RAD9B: variants seen among roughly 807,000 people sequenced by gnomAD.
RAD9B encodes RAD9 checkpoint clamp component B, also known as cell cycle checkpoint control protein RAD9B.
RAD9B carries 41 observed loss-of-function variants against 48.3 expected under a neutral mutation model. The ratio of observed to expected loss-of-function variants is 0.85; its 90% confidence interval spans 0.66 to 1.10. The LOEUF (loss-of-function observed/expected upper bound fraction) is 1.10, where lower values mean the gene tolerates loss of function less well. Among genes scored for constraint, RAD9B ranks in the 50% least tolerant of loss-of-function variants. The pLI, the probability that RAD9B is intolerant of heterozygous loss-of-function variation, is 0.00. For synonymous variants in RAD9B, 160 were observed against 157.9 expected, an observed-to-expected ratio of 1.01 and a Z score of -0.10; for missense variants, 444 against 485.1, an observed-to-expected ratio of 0.92 and a Z score of 0.80.
chr12:110,526,457 C>A (rs571400150), intron 10 of RAD9B, among the ~76,000 whole-genome samples: 1 of 152,138 alleles, frequency 6.6e-6, no homozygotes, highest in Non-Finnish European at 1.5e-5. Context: ...TTAAAGAAAA[C>A]CTCAGCTTTC....
chr12:110,530,731 T>C lies in RAD9B; in HGVS notation c.*78T>C. On this transcript the variant is annotated 3_prime_UTR_variant, in exon 11 of 11. Transcript: ENST00000409300. ...CTCAAGCACGAGTTTGCATGTTTAG[T>C]GTCTAAAAGAGGTTGTCCAGGACTT... 6.3e-7 allele frequency: 1 copy of C among 1,586,988 alleles called. No individual in the cohort carries two copies. The highest frequency in any genetic ancestry group is 1.8e-5 in the Admixed American group (1 of 56,512).
intron 10 of RAD9B, among the ~76,000 whole-genome samples, chr12:110,527,470 C>T (rs553735329): frequency 6.6e-6 from 1 of 152,292 alleles, no homozygotes; most frequent in South Asian, 2.1e-4. Context: ...ATCTGGAGAG[C>T]AGGTTCAACA....
At position 110,530,846 on chromosome 12, in the gene RAD9B, C is replaced by CT. The variant is rs1306160393; in HGVS notation, c.*196dup. 7.4e-7 allele frequency: 1 copy of CT among 1,351,546 alleles called. No individual in the cohort carries two copies. The highest frequency in any genetic ancestry group is 1.5e-5 in the African/African-American group (1 of 68,610). The allele number at this position is 1,351,546 out of a possible 1,614,324, so 83.7% of individuals were successfully genotyped here. ...CTGTTTGTCAAGTGTATGTAACTTG[C>CT]TTTAAATCCATTATGCTACTTGTGA... On this transcript the variant is annotated 3_prime_UTR_variant, in exon 11 of 11. Transcript: ENST00000409300.
intron 10 of RAD9B, among the ~76,000 whole-genome samples, chr12:110,529,923 G>C (rs535009112): frequency 6.6e-6 from 1 of 152,176 alleles, no homozygotes; most frequent in Non-Finnish European, 1.5e-5. Flanking sequence ...CGGAGGCTTC[G>C]TTGACCTCTG....
At chr12:110,509,592 T>C (rs2063400258) in intron 4 of RAD9B, among the ~76,000 whole-genome samples, 1 of 152,084 alleles carries the variant, frequency 6.6e-6, no homozygotes, top group South Asian at 2.1e-4. Context: ...CAGTCTAAGA[T>C]GAAGGAGAAG....
Position 110,531,126 on chromosome 12 carries a change from T to G in RAD9B, c.*473T>G, listed in dbSNP as rs2064124623. 3.0e-6 allele frequency: 3 copies of G among 993,356 alleles called. No homozygotes were observed. The highest frequency in any genetic ancestry group is 3.6e-6 in the Non-Finnish European group (3 of 834,550). 61.5% of individuals were successfully genotyped at this position (993,356 alleles called of 1,614,324 possible). ...ACCATGGCCTTTTTTGTGCATTGTT[T>G]TTTATATTTTAAGACTTTAAGTAGA... On this transcript the variant is annotated 3_prime_UTR_variant, in exon 11 of 11. Transcript: ENST00000409300.
Position 110,519,778 on chromosome 12 carries a change from G to A in RAD9B, c.768-16G>A. 1 of 1,599,120 alleles carries A rather than the reference G, an allele frequency of 6.3e-7. No individual in the cohort carries two copies. The highest frequency in any genetic ancestry group is 8.5e-7 in the Non-Finnish European group (1 of 1,175,234). On this transcript the variant is annotated splice_polypyrimidine_tract_variant and intron_variant, in intron 8 of 10. Transcript: ENST00000409300. ...AGAAAATGAGTGTCACTGTTGCTCT[G>A]ACTTGGCTTTTTTAGACCTCTGGCT...
Position 110,517,751 on chromosome 12 carries a change from GACACACAC to G in RAD9B, c.596-893_596-886del, listed in dbSNP as rs34935245. On this transcript the variant is annotated intron_variant, in intron 6 of 10. Transcript: ENST00000409300. ...TTTGTAGTGGAAAACACAAAACATT[GACACACAC>G]ACACACACACACACACACACACACA... Among the ~76,000 whole-genome samples the G allele has an allele frequency of 3.6e-3, 510 of 141,514 alleles. 1 individual carries two copies. Among genetic ancestry groups the G allele is most frequent in the African/African-American group, 6.2e-3 (239 of 38,294 alleles). The allele number at this position is 141,514 out of a possible 152,430, so 92.8% of individuals were successfully genotyped here.
intron 10 of RAD9B, among the ~76,000 whole-genome samples, chr12:110,524,914 A>T (rs1395133158): frequency 6.6e-6 from 1 of 152,062 alleles, no homozygotes; most frequent in African/African-American, 2.4e-5. Flanking sequence ...TTGAACAAAA[A>T]TCAGAAAATA....
chr12:110,522,723 T>A (rs978150473), intron 10 of RAD9B, among the ~76,000 whole-genome samples: 2 of 152,262 alleles, frequency 1.3e-5, no homozygotes, highest in African/African-American at 4.8e-5. Flanking sequence ...ATATTCTATC[T>A]TGAATAACAA....
intron 4 of RAD9B, among the ~76,000 whole-genome samples, chr12:110,511,920 C>A (rs188874779): frequency 2.6e-5 from 4 of 152,066 alleles, no homozygotes; most frequent in African/African-American, 7.2e-5. Flanking sequence ...GATCTCGGCT[C>A]ACTGCAACCT....
intron 3 of RAD9B, 56 bp downstream of exon 3, chr12:110,505,828 G>T (rs1358593072): frequency 1.6e-5 from 22 of 1,360,500 alleles, no homozygotes; most frequent in Non-Finnish European, 2.2e-5. Flanking sequence ...CATTATATAG[G>T]ACATAACCTG....
chr12:110,508,615 G>T (rs868731298), intron 4 of RAD9B, among the ~76,000 whole-genome samples: 1 of 152,214 alleles, frequency 6.6e-6, no homozygotes. Flanking sequence ...CACAGGCATG[G>T]TTGTTTTTGT....
chr12:110,531,539 G>T lies in RAD9B; in HGVS notation c.*886G>T, dbSNP rs779323828. 7.0e-7 allele frequency: 1 copy of T among 1,423,952 alleles called. No homozygotes were observed. Among genetic ancestry groups the T allele is most frequent in the South Asian group, 1.2e-5 (1 of 85,340 alleles). The allele number at this position is 1,423,952 out of a possible 1,614,324, so 88.2% of individuals were successfully genotyped here. A position where few individuals can be genotyped will look rare whatever the true frequency, so the allele number is the denominator to read the frequency against. On this transcript the variant is annotated 3_prime_UTR_variant, in exon 11 of 11. Coordinates refer to ENST00000409300, the MANE Select transcript of RAD9B (RefSeq NM_001286535.2). ...AAATTTTATTTCCTAACCTCAAATTGTTCTGATTTTCAGATGTGATTTTTT... is the reference window on the plus strand; with the variant it reads ...AAATTTTATTTCCTAACCTCAAATTTTTCTGATTTTCAGATGTGATTTTTT...
At chr12:110,507,096 G>A (rs150053358) in intron 4 of RAD9B, among the ~76,000 whole-genome samples, 2,760 of 151,912 alleles carry the variant, frequency 0.018, 101 homozygotes, top group African/African-American at 0.063. Flanking sequence ...CACCTGCCTC[G>A]GCCTCCCAAA....
At chr12:110,521,852 G>A (rs112601691) in intron 9 of RAD9B, among the ~76,000 whole-genome samples, 3 of 152,032 alleles carry the variant, frequency 2.0e-5, no homozygotes, top group Admixed American at 6.6e-5. Context: ...CACCGTGCCC[G>A]GCCGAAAACA....
rs190176169 is a variant in RAD9B, at chr12:110,512,815, G to A, written c.425G>A (p.Ser142Asn). 9 of 1,512,070 alleles carry A rather than the reference G, an allele frequency of 6.0e-6. No individual in the cohort carries two copies. The Admixed American group carries it at 1.5e-4, about 26-fold the overall frequency. The allele number at this position is 1,512,070 out of a possible 1,614,324, so 93.7% of individuals were successfully genotyped here. A position where few individuals can be genotyped will look rare whatever the true frequency, so the allele number is the denominator to read the frequency against. ...KRTHNICFQE[S>N]QPLQVIFDKN... ...ACTCATAATATATGTTTTCAAGAAA[G>A]TCAGCCTTTGCAAGTTATTTTTGAC... is the stretch of plus-strand genomic sequence containing the variant. The change falls in exon 5 of 11, where the codon AGT (serine) becomes AAT (asparagine). Residue 142 changes from serine to asparagine, a missense_variant. Ser to Asn is a conservative substitution (Grantham distance 46, BLOSUM62 1). Transcript: ENST00000409300.
chr12:110,524,577 A>G (rs1049332978), intron 10 of RAD9B, among the ~76,000 whole-genome samples: 3 of 151,618 alleles, frequency 2.0e-5, no homozygotes, highest in African/African-American at 7.3e-5. Context: ...GAAAAAAATT[A>G]TTGTTGTTAC....
intron 10 of RAD9B, among the ~76,000 whole-genome samples, chr12:110,527,892 G>A (rs567591750): frequency 6.6e-6 from 1 of 152,238 alleles, no homozygotes; most frequent in South Asian, 2.1e-4. Context: ...TGGGAGTAGA[G>A]CTCAGGGAGG....
Sources: allele counts gnomAD v4.1 joint callset (sites outside exome capture counted in the v4.1 genomes callset), GRCh38; gene constraint gnomAD v4.1.1; transcripts MANE v1.5; gene names NCBI Gene and HGNC (gene_info 2026-07-23, HGNC 2026-07-21).